EFCAB6: variants seen among roughly 807,000 people sequenced by gnomAD.
The protein encoded by EFCAB6 is EF-hand calcium binding domain 6.
EFCAB6 carries 156 observed loss-of-function variants against 169.8 expected under a neutral mutation model. That is an observed-to-expected ratio of 0.92 (90% confidence interval 0.81 to 1.05). The LOEUF (loss-of-function observed/expected upper bound fraction) is 1.05. EFCAB6 is among the 50% of genes least tolerant of loss of function. The pLI, the probability that EFCAB6 is intolerant of heterozygous loss-of-function variation, is 0.00. For synonymous variants in EFCAB6, 698 were observed against 676.4 expected, an observed-to-expected ratio of 1.03 and a Z score of -0.50; for missense variants, 1,800 against 1,829.1, an observed-to-expected ratio of 0.98 and a Z score of 0.29.
intron 18 of EFCAB6, among the ~76,000 whole-genome samples, chr22:43,634,112 T>C (rs540682808): frequency 3.9e-4 from 59 of 152,270 alleles, no homozygotes; most frequent in Middle Eastern, 3.4e-3. Flanking sequence ...TCGCCAGCAC[T>C]GGGACGTGGG....
rs113877747 is a variant in EFCAB6 at position 43,597,096 on chromosome 22, C to A, written c.2876+2973G>T. Among the ~76,000 whole-genome samples the A allele has an allele frequency of 4.3e-3, 648 of 152,212 alleles. 4 individuals carry two copies. The highest frequency in any genetic ancestry group is 8.3e-3 in the Admixed American group (127 of 15,294). Reference sequence around the variant, plus strand: ...CCCATCTTTCAATACAGACAAAAATCAACTCAAAATGGATTAAAAACTTAA... The same window carrying A: ...CCCATCTTTCAATACAGACAAAAATAAACTCAAAATGGATTAAAAACTTAA... On this transcript the variant is annotated intron_variant, in intron 23 of 31. Coordinates refer to ENST00000262726, the MANE Select transcript of EFCAB6 (RefSeq NM_022785.4).
chr22:43,550,969 T>C (rs1196066426), intron 27 of EFCAB6, among the ~76,000 whole-genome samples: 1 of 152,178 alleles, frequency 6.6e-6, no homozygotes, highest in African/African-American at 2.4e-5. Context: ...ATGTGTCACT[T>C]CCCTCACTTA....
At chr22:43,588,540 A>T (rs1468191910) in intron 24 of EFCAB6, among the ~76,000 whole-genome samples, 1 of 152,200 alleles carries the variant, frequency 6.6e-6, no homozygotes, top group Non-Finnish European at 1.5e-5. Context: ...AGGTAGAAAA[A>T]GAGAAAGAAG....
At chr22:43,671,768 C>T (rs191237332) in intron 15 of EFCAB6, among the ~76,000 whole-genome samples, 98 of 152,270 alleles carry the variant, frequency 6.4e-4, no homozygotes, top group Middle Eastern at 3.4e-3. Context: ...ATGTTAGCTA[C>T]CTTACATGGC....
chr22:43,808,396 C>T (rs1177149763), intron 2 of EFCAB6, among the ~76,000 whole-genome samples: 2 of 152,156 alleles, frequency 1.3e-5, no homozygotes, highest in Non-Finnish European at 2.9e-5. Flanking sequence ...AACATGGAAT[C>T]GCGGTCCATG....
intron 6 of EFCAB6, among the ~76,000 whole-genome samples, chr22:43,736,572 G>A (rs1881571195): frequency 6.6e-6 from 1 of 151,972 alleles, no homozygotes; most frequent in Non-Finnish European, 1.5e-5. Flanking sequence ...TGGGCTCACA[G>A]ACGCACACGA....
At chr22:43,770,684 CA>C (rs2147960895) in intron 4 of EFCAB6, among the ~76,000 whole-genome samples, 1 of 152,030 alleles carries the variant, frequency 6.6e-6, no homozygotes, top group South Asian at 2.1e-4. Flanking sequence ...AGACATTATC[CA>C]ATCTGAATGA....
intron 24 of EFCAB6, 63 bp from the exon 25 acceptor site, chr22:43,580,722 T>C (rs2147306054): frequency 1.3e-6 from 2 of 1,558,132 alleles, no homozygotes; most frequent in Admixed American, 3.6e-5. Flanking sequence ...GCTTATTCAT[T>C]CAACAGTTGC....
chr22:43,630,641 C>T (rs1319602123), intron 19 of EFCAB6, among the ~76,000 whole-genome samples: 2 of 152,192 alleles, frequency 1.3e-5, no homozygotes, highest in Non-Finnish European at 2.9e-5. Flanking sequence ...GAGGCCCTGC[C>T]GACCAGCACA....
At chr22:43,726,318 C>T (rs902123036) in intron 8 of EFCAB6, among the ~76,000 whole-genome samples, 53 of 102,376 alleles carry the variant, frequency 5.2e-4, no homozygotes, top group African/African-American at 2.0e-3. Context: ...TAAATTGAAG[C>T]AAAAAGAAAC....
At chr22:43,569,418 C>T (rs867193551) in intron 26 of EFCAB6, among the ~76,000 whole-genome samples, 7 of 152,316 alleles carry the variant, frequency 4.6e-5, no homozygotes, top group Admixed American at 6.5e-5. Context: ...TGCTAGGACC[C>T]GTGTAGTCAC....
chr22:43,742,674 C>T (rs1258487501), intron 6 of EFCAB6, among the ~76,000 whole-genome samples: 4 of 152,242 alleles, frequency 2.6e-5, no homozygotes, highest in African/African-American at 9.6e-5. Flanking sequence ...CCCCACTCTG[C>T]GCAGCCCCCG....
intron 31 of EFCAB6, 81 bp downstream of exon 31, chr22:43,530,734 G>A: frequency 6.3e-7 from 1 of 1,588,780 alleles, no homozygotes; most frequent in Admixed American, 1.7e-5. Context: ...AGCAGGTAGA[G>A]GGCTCCCCGT....
chr22:43,661,320 G>GTGAGCA (rs1401176165), intron 17 of EFCAB6, among the ~76,000 whole-genome samples: 1 of 152,198 alleles, frequency 6.6e-6, no homozygotes, highest in Non-Finnish European at 1.5e-5. Flanking sequence ...TGAGGCTGCA[G>GTGAGCA]TGAGCATGAT....
chr22:43,710,966 A>G (rs2059140414), intron 10 of EFCAB6, among the ~76,000 whole-genome samples: 1 of 152,208 alleles, frequency 6.6e-6, no homozygotes, highest in South Asian at 2.1e-4. Context: ...TAAAATTAAG[A>G]AATGGAGAGG....
At chr22:43,693,217 G>A (rs954023989) in intron 10 of EFCAB6, among the ~76,000 whole-genome samples, 2 of 151,796 alleles carry the variant, frequency 1.3e-5, no homozygotes, top group African/African-American at 4.8e-5. Flanking sequence ...GTAAAGACCC[G>A]GATAGGCTGA....
At chr22:43,725,993 G>A (rs1346953065) in intron 8 of EFCAB6, among the ~76,000 whole-genome samples, 2 of 152,114 alleles carry the variant, frequency 1.3e-5, no homozygotes, top group East Asian at 3.9e-4. Context: ...TTAGACTGTG[G>A]TACCAGTTAG....
chr22:43,666,236 G>A (rs554098912), intron 17 of EFCAB6, among the ~76,000 whole-genome samples: 2 of 152,278 alleles, frequency 1.3e-5, no homozygotes, highest in African/African-American at 4.8e-5. Context: ...CTGGGGAGGG[G>A]AGAGGGTCTG....
At chr22:43,790,720 C>G (rs2062252685) in intron 2 of EFCAB6, among the ~76,000 whole-genome samples, 1 of 152,182 alleles carries the variant, frequency 6.6e-6, no homozygotes, top group South Asian at 2.1e-4. Flanking sequence ...AAAGGAATAT[C>G]TCTGGCTGTA....
Sources: gnomAD v4.1 joint callset for allele counts (sites outside exome capture counted in the v4.1 genomes callset) on GRCh38, gnomAD v4.1.1 for gene constraint, MANE v1.5 for transcripts, NCBI Gene and HGNC (gene_info 2026-07-23, HGNC 2026-07-21) for gene names.